Variants in CADM1 observed in about 807,000 individuals in gnomAD.
CADM1 encodes cell adhesion molecule 1, also known as TSLC-1.
Under a neutral mutation model 53.1 loss-of-function variants are expected in CADM1, and 15 were observed. The observed-to-expected ratio is 0.28, with a 90% CI of 0.19 to 0.44. The LOEUF is 0.44. Among genes scored for constraint, CADM1 ranks in the 20% least tolerant of loss-of-function variants. CADM1 has a pLI of 1.00. For missense variants in CADM1, 434 were observed against 611.3 expected, an observed-to-expected ratio of 0.71 and a Z score of 3.06; for synonymous variants, 281 against 243.0, an observed-to-expected ratio of 1.16 and a Z score of -1.45.
At chr11:115,231,946 A>G (rs1370947503) in intron 3 of CADM1, among the ~76,000 whole-genome samples, 1 of 152,114 alleles carries the variant, frequency 6.6e-6, no homozygotes, top group Non-Finnish European at 1.5e-5. Context: ...AGATCGTGCC[A>G]TTGCATGCCA....
At chr11:115,297,038 C>G (rs1418044006) in intron 1 of CADM1, among the ~76,000 whole-genome samples, 1 of 152,210 alleles carries the variant, frequency 6.6e-6, no homozygotes, top group African/African-American at 2.4e-5. Flanking sequence ...TCTTTTGTAT[C>G]CAGTAAATAT....
rs558244128 is a variant in CADM1, at chr11:115,174,559, A to C, written c.*1915T>G. 145 of 985,492 alleles carry C rather than the reference A, an allele frequency of 1.5e-4. No individual in the cohort carries two copies. The African/African-American group carries it at 2.4e-3, about 16-fold the overall frequency. 61.0% of individuals were successfully genotyped at this position (985,492 alleles called of 1,614,324 possible). A position where few individuals can be genotyped will look rare whatever the true frequency, so the allele number is the denominator to read the frequency against. On this transcript the variant is annotated 3_prime_UTR_variant, in exon 12 of 12. Transcript: ENST00000331581. ...ACCAGTCCGTTCCCAAAAGGCCCCC[A>C]TATTGCAATGGTTCTATCAAAGGTT...
chr11:115,450,413 C>T (rs1041716740), intron 1 of CADM1, among the ~76,000 whole-genome samples: 4 of 152,146 alleles, frequency 2.6e-5, no homozygotes, highest in African/African-American at 9.7e-5. Flanking sequence ...GTGCTTCTAT[C>T]TTAGTAATAT....
intron 1 of CADM1, among the ~76,000 whole-genome samples, chr11:115,251,290 C>T (rs1942597004): frequency 6.6e-6 from 1 of 152,186 alleles, no homozygotes; most frequent in Admixed American, 6.5e-5. Flanking sequence ...CTCTACACCT[C>T]CTCATTCATT....
At chr11:115,432,672 C>T (rs191846819) in intron 1 of CADM1, among the ~76,000 whole-genome samples, 108 of 152,280 alleles carry the variant, frequency 7.1e-4, no homozygotes, top group African/African-American at 2.1e-3. Context: ...ACTTCCTGCA[C>T]GGTTGTTATA....
rs543978440 is a variant in CADM1, at chr11:115,182,343, A to G, written c.1166-3568T>C. On this transcript the variant is annotated intron_variant, in intron 10 of 11. Coordinates refer to ENST00000331581, the MANE Select transcript of CADM1 (RefSeq NM_001301043.2). ...ATGTTTTCTTGTTCCCTAAGAGGCT[A>G]CAAGTGTTCCTCTTACTAGTAACAA... is the stretch of plus-strand genomic sequence containing the variant. Among the ~76,000 whole-genome samples, 8 of 152,334 alleles carry G rather than the reference A, an allele frequency of 5.3e-5. No homozygotes were observed. The South Asian group carries it at 8.3e-4, about 16-fold the overall frequency.
At chr11:115,277,583 T>G (rs1038094831) in intron 1 of CADM1, among the ~76,000 whole-genome samples, 5 of 152,188 alleles carry the variant, frequency 3.3e-5, no homozygotes, top group Non-Finnish European at 7.3e-5. Context: ...CTTCTATTCT[T>G]CATAAAGTTC....
At chr11:115,399,037 T>C (rs1947071308) in intron 1 of CADM1, 1 of 152,202 alleles carries the variant, frequency 6.6e-6, no homozygotes, top group Non-Finnish European at 1.5e-5. Flanking sequence ...GTGATAAGGA[T>C]AGATATTCCC....
chr11:115,284,274 C>A (rs2135089178), intron 1 of CADM1, among the ~76,000 whole-genome samples: 1 of 151,966 alleles, frequency 6.6e-6, no homozygotes, highest in South Asian at 2.1e-4. Flanking sequence ...TCCAGTATTA[C>A]ATTATTACTA....
At chr11:115,235,769 A>G (rs1221563709) in intron 3 of CADM1, among the ~76,000 whole-genome samples, 1 of 152,204 alleles carries the variant, frequency 6.6e-6, no homozygotes, top group African/African-American at 2.4e-5. Flanking sequence ...AACGAACACT[A>G]ATCTTAGAAG....
At chr11:115,499,196 G>A (rs1351577495) in intron 1 of CADM1, among the ~76,000 whole-genome samples, 1 of 152,124 alleles carries the variant, frequency 6.6e-6, no homozygotes, top group Non-Finnish European at 1.5e-5. Flanking sequence ...TTGTTCTTAA[G>A]AACATTTCCT....
At chr11:115,245,056 AAACAGAATTGAGTTTATACTATGGC>A (rs1384380507) in intron 1 of CADM1, among the ~76,000 whole-genome samples, 1 of 152,240 alleles carries the variant, frequency 6.6e-6, no homozygotes, top group Non-Finnish European at 1.5e-5. Context: ...GTCATAGTTA[AAACAGAATTGAGTTTATACTATGGC>A]AACTACGTAA....
chr11:115,487,627 GGA>G (rs756253438), intron 1 of CADM1, among the ~76,000 whole-genome samples: 1 of 152,098 alleles, frequency 6.6e-6, no homozygotes, highest in Non-Finnish European at 1.5e-5. Flanking sequence ...TTGCATGAAT[GGA>G]ATATAATGCT....
At chr11:115,259,290 CTTTTTTTTTTTTTTTTT>C (rs71066411) in intron 1 of CADM1, among the ~76,000 whole-genome samples, 18 of 55,088 alleles carry the variant, frequency 3.3e-4, no homozygotes, top group East Asian at 1.4e-3. Context: ...CCAGTCTTAA[CTTTTTTTTTTTTTTTTT>C]TTTTTTTTTT....
At chr11:115,208,882 A>T (rs1940819537) in intron 8 of CADM1, among the ~76,000 whole-genome samples, 1 of 152,210 alleles carries the variant, frequency 6.6e-6, no homozygotes, top group Admixed American at 6.5e-5. Flanking sequence ...TGACAGAAAC[A>T]AGAGACAGTA....
chr11:115,504,202 C>T (rs1342097204), intron 1 of CADM1, 69 bp downstream of exon 1: 2 of 1,550,104 alleles, frequency 1.3e-6, no homozygotes, highest in Non-Finnish European at 1.7e-6. Flanking sequence ...ACGTTTCCCC[C>T]CTCTGTGGCC....
rs760488690 is a variant in CADM1, at chr11:115,209,665, G to GA, written c.995-9dup. ...GGATAGTTGTGGGGGGATCTGGATA[G>GA]AAAAAAAAAGGAAAATCAAACCCAC... On this transcript the variant is annotated splice_polypyrimidine_tract_variant and intron_variant, in intron 7 of 11. Coordinates refer to ENST00000331581, the MANE Select transcript of CADM1 (RefSeq NM_001301043.2). 96 of 1,595,234 alleles carry GA rather than the reference G, an allele frequency of 6.0e-5. No individual in the cohort carries two copies. The highest frequency in any genetic ancestry group is 2.2e-4 in the South Asian group (20 of 89,006).
At chr11:115,198,270 A>G in intron 9 of CADM1, 136 bp downstream of exon 9, 1 of 654,934 alleles carries the variant, frequency 1.5e-6, no homozygotes, top group East Asian at 2.9e-5. Flanking sequence ...TCAAACCTTA[A>G]AAAATTATAG....
At chr11:115,379,207 A>G (rs1946515523) in intron 1 of CADM1, among the ~76,000 whole-genome samples, 1 of 152,244 alleles carries the variant, frequency 6.6e-6, no homozygotes. Context: ...GCAGTAATGA[A>G]TGCTGAATCA....
Sources: gnomAD v4.1 joint callset for allele counts (sites outside exome capture counted in the v4.1 genomes callset) on GRCh38, gnomAD v4.1.1 for gene constraint, MANE v1.5 for transcripts, NCBI Gene and HGNC (gene_info 2026-07-23, HGNC 2026-07-21) for gene names.